Variants in CFDP1 observed in about 807,000 individuals in gnomAD.
CFDP1 encodes the protein heterochromatin-stabilizing protein CFDP1.
CFDP1 carries 31 observed loss-of-function variants against 40.1 expected under a neutral mutation model. The ratio of observed to expected loss-of-function variants is 0.77; its 90% CI spans 0.58 to 1.04. The LOEUF (loss-of-function observed/expected upper bound fraction) is 1.04. Among genes scored for constraint, CFDP1 ranks in the 50% least tolerant of loss-of-function variants. The pLI, the probability that CFDP1 is intolerant of heterozygous loss-of-function variation, is 0.00. For synonymous variants in CFDP1, 167 were observed against 120.0 expected, an observed-to-expected ratio of 1.39 and a Z score of -2.56; for missense variants, 423 against 343.4, an observed-to-expected ratio of 1.23 and a Z score of -1.83.
At chr16:75,394,774 C>T (rs2078982513) in intron 5 of CFDP1, 1 of 167,902 alleles carries the variant, frequency 6.0e-6, no homozygotes, top group Non-Finnish European at 1.3e-5. Flanking sequence ...AGGGATCCTC[C>T]TGCCTCAGCC....
intron 5 of CFDP1, among the ~76,000 whole-genome samples, chr16:75,364,514 G>C (rs761073740): frequency 6.6e-6 from 1 of 152,190 alleles, no homozygotes; most frequent in Non-Finnish European, 1.5e-5. Flanking sequence ...TCTGTCACAA[G>C]TGGATTTTTC....
At chr16:75,428,246 T>C (rs1238069533) in intron 1 of CFDP1, among the ~76,000 whole-genome samples, 1 of 152,126 alleles carries the variant, frequency 6.6e-6, no homozygotes, top group African/African-American at 2.4e-5. Flanking sequence ...ACAGTAAATT[T>C]TATTGTATGT....
intron 4 of CFDP1, among the ~76,000 whole-genome samples, chr16:75,410,785 T>C (rs1292481976): frequency 6.6e-6 from 1 of 151,164 alleles, no homozygotes; most frequent in Non-Finnish European, 1.5e-5. Flanking sequence ...GGTGAGCACC[T>C]GTAGTCCCAG....
At chr16:75,330,511 C>T (rs1459309087) in intron 5 of CFDP1, among the ~76,000 whole-genome samples, 1 of 152,182 alleles carries the variant, frequency 6.6e-6, no homozygotes, top group East Asian at 1.9e-4. Context: ...ATCACTTGAA[C>T]CCCAAAGGTG....
chr16:75,305,969 G>A (rs906813358), intron 5 of CFDP1, among the ~76,000 whole-genome samples: 3 of 152,140 alleles, frequency 2.0e-5, no homozygotes, highest in African/African-American at 7.2e-5. Context: ...TCAAGTCTTG[G>A]CAGGTCAAAT....
At chr16:75,322,580 C>G (rs1364666138) in intron 5 of CFDP1, among the ~76,000 whole-genome samples, 1 of 152,112 alleles carries the variant, frequency 6.6e-6, no homozygotes, top group Admixed American at 6.6e-5. Flanking sequence ...CTAAACACAT[C>G]TAGACCTAGA....
chr16:75,318,214 G>C (rs1484288190), intron 5 of CFDP1, among the ~76,000 whole-genome samples: 1 of 152,078 alleles, frequency 6.6e-6, no homozygotes, highest in African/African-American at 2.4e-5. Flanking sequence ...GGTCTGTGCT[G>C]GTCTGACGGC....
rs115197250 is a variant in CFDP1 at position 75,375,161 on chromosome 16, C to T, written c.650+19929G>A. ...TTAAAAAAAGGCAAAATCTTCTCAA[C>T]CTTATAGGCAGATTTCTTAGGACAC... On this transcript the variant is annotated intron_variant, in intron 5 of 6. Transcript: ENST00000283882. 6.0e-3 allele frequency among the ~76,000 whole-genome samples: 908 copies of T among 151,588 alleles called. 12 individuals are homozygous for T. The highest frequency in any genetic ancestry group is 0.02 in the African/African-American group (843 of 41,340).
At position 75,388,729 on chromosome 16, in the gene CFDP1, T is replaced by C. The variant is rs117327472; in HGVS notation, c.650+6361A>G. Among the ~76,000 whole-genome samples the C allele has an allele frequency of 6.6e-3, 1,001 of 152,270 alleles. 9 individuals are homozygous for C. Among genetic ancestry groups the C allele is most frequent in the Middle Eastern group, 0.017 (5 of 294 alleles). On this transcript the variant is annotated intron_variant, in intron 5 of 6. Transcript: ENST00000283882. ...AAGACTCTGCTGAACAAACCAAAGATTGCTGGTTACTGACTACATACACTG... is the reference window on the plus strand; with the variant it reads ...AAGACTCTGCTGAACAAACCAAAGACTGCTGGTTACTGACTACATACACTG...
intron 5 of CFDP1, among the ~76,000 whole-genome samples, chr16:75,328,734 AGTGGT>A (rs1157315672): frequency 6.7e-6 from 1 of 149,472 alleles, no homozygotes; most frequent in Non-Finnish European, 1.5e-5. Context: ...GCTGGAGTAC[AGTGGT>A]GTGATCTTGG....
intron 5 of CFDP1, among the ~76,000 whole-genome samples, chr16:75,347,758 C>T (rs2078580050): frequency 6.6e-6 from 1 of 152,154 alleles, no homozygotes; most frequent in Non-Finnish European, 1.5e-5. Context: ...TGACAAACTC[C>T]ATCTTGACCA....
At chr16:75,363,994 G>A (rs572949430) in intron 5 of CFDP1, among the ~76,000 whole-genome samples, 54 of 142,056 alleles carry the variant, frequency 3.8e-4, no homozygotes, top group African/African-American at 1.4e-3. Flanking sequence ...TACAAATTGA[G>A]GTAAGTGCTA....
At chr16:75,301,967 TGAG>T (rs2078224809) in intron 6 of CFDP1, 2 of 152,252 alleles carry the variant, frequency 1.3e-5, no homozygotes, top group African/African-American at 4.8e-5. Context: ...AGAAGGCAGA[TGAG>T]AAGGGCTGAG....
intron 2 of CFDP1, 44 bp downstream of exon 2, chr16:75,414,534 T>G: frequency 1.7e-6 from 2 of 1,166,520 alleles, no homozygotes; most frequent in South Asian, 2.5e-5. Context: ...AGGATGGTTG[T>G]GACAATAGCC....
chr16:75,316,085 G>T (rs2078321607), intron 5 of CFDP1, among the ~76,000 whole-genome samples: 1 of 146,268 alleles, frequency 6.8e-6, no homozygotes, highest in Non-Finnish European at 1.5e-5. Context: ...CCTATGACTA[G>T]ATTCAGGTTA....
intron 5 of CFDP1, among the ~76,000 whole-genome samples, chr16:75,341,304 C>G (rs2078525053): frequency 1.3e-5 from 2 of 152,192 alleles, no homozygotes; most frequent in African/African-American, 2.4e-5. Context: ...TTGACAGCTG[C>G]TGTTCTTAAC....
intron 5 of CFDP1, among the ~76,000 whole-genome samples, chr16:75,390,576 A>T (rs1000213021): frequency 6.6e-6 from 1 of 152,250 alleles, no homozygotes; most frequent in Non-Finnish European, 1.5e-5. Flanking sequence ...CCCCAGAGAT[A>T]GTCTTGAGAC....
intron 1 of CFDP1, among the ~76,000 whole-genome samples, chr16:75,419,638 C>G (rs562250641): frequency 4.7e-4 from 71 of 152,202 alleles, no homozygotes; most frequent in Non-Finnish European, 7.6e-4. Flanking sequence ...CTAAGTCACA[C>G]GATAAGCTAG....
chr16:75,361,579 T>C (rs1377936374), intron 5 of CFDP1, among the ~76,000 whole-genome samples: 2 of 152,192 alleles, frequency 1.3e-5, no homozygotes, highest in South Asian at 4.1e-4. Flanking sequence ...ATCATGCCAC[T>C]GCACTCCAGC....
Sources: gnomAD v4.1 joint callset for allele counts (sites outside exome capture counted in the v4.1 genomes callset) on GRCh38, gnomAD v4.1.1 for gene constraint, MANE v1.5 for transcripts, NCBI Gene and HGNC (gene_info 2026-07-23, HGNC 2026-07-21) for gene names.